ANKRD26: variants seen among roughly 807,000 people sequenced by gnomAD.
The protein encoded by ANKRD26 is ankyrin repeat domain 26.
A neutral mutation model predicts 208.7 loss-of-function variants in ANKRD26; 141 were observed. That is an observed-to-expected ratio of 0.68 (90% CI 0.59 to 0.78). ANKRD26 has a LOEUF of 0.78. ANKRD26 is among the 30% of genes least tolerant of loss of function. The pLI, the probability that ANKRD26 is intolerant of heterozygous loss-of-function variation, is 0.00. For synonymous variants in ANKRD26, 636 were observed against 660.4 expected (o/e 0.96, Z 0.57); for missense variants, 1,889 against 1,938.7 (o/e 0.97, Z 0.48).
downstream of ANKRD26, among the ~76,000 whole-genome samples, chr10:27,002,028 G>T (rs938987182): frequency 3.9e-5 from 6 of 152,196 alleles, no homozygotes; most frequent in African/African-American, 1.4e-4. Flanking sequence ...TATCAAAGAT[G>T]AACAGAGTCA....
rs1221890358 is a variant in ANKRD26 at position 27,022,614 on chromosome 10, C to T, written c.4159G>A (p.Asp1387Asn). The change falls in exon 29 of 34, where the codon GAT (aspartate) becomes AAT (asparagine). Residue 1387 changes from aspartate to asparagine, a missense_variant. Coordinates refer to ENST00000376087, the MANE Select transcript of ANKRD26 (RefSeq NM_014915.3). The part of the protein sequence containing the change: ...YENGEFSFHG[D>N]LKTSQFEMDI... The stretch of plus-strand genomic sequence containing the variant: ...ATTTCAAATTGACTAGTTTTTAAAT[C>T]TCCATGGAAACTAAATTCTCCATTT... The T allele has an allele frequency of 6.4e-7, 1 of 1,562,988 alleles. No individual in the cohort carries two copies. The highest frequency in any genetic ancestry group is 1.7e-5 in the Admixed American group (1 of 58,960).
At chr10:27,040,237 T>A (rs2054187842) in intron 20 of ANKRD26, 59 bp from the exon 21 acceptor site, 2 of 1,255,790 alleles carry the variant, frequency 1.6e-6, no homozygotes, top group East Asian at 4.8e-5. Context: ...TAACACACTG[T>A]GCACTATAAC....
intron 20 of ANKRD26, among the ~76,000 whole-genome samples, 195 bp from the exon 21 acceptor site, chr10:27,040,373 C>CA (rs1169172296): frequency 1.3e-5 from 2 of 151,854 alleles, no homozygotes; most frequent in Admixed American, 6.6e-5. Flanking sequence ...ATAGTGAAGA[C>CA]AAAAAAAGTG....
chr10:26,965,321 A>C, the ANKRD26 span, among the ~76,000 whole-genome samples: 14 of 152,322 alleles, frequency 9.2e-5, no homozygotes, highest in Middle Eastern at 3.4e-3. Context: ...CCTCAGAAAT[A>C]ATGCCATATA....
In ANKRD26 at chr10:27,053,205, G is replaced by T; in HGVS notation, c.1635+115C>A. On this transcript the variant is annotated intron_variant, in intron 16 of 33. Transcript: ENST00000376087. ...ACGTTTTTAATACTAAATATTAAAT[G>T]ATGATCTATTGATTCTAAAAGGCTA... The T allele has an allele frequency of 4.1e-6, 3 of 732,140 alleles. No homozygotes were observed. The South Asian group carries it at 5.7e-5, about 14-fold the overall frequency. 45.4% of individuals were successfully genotyped at this position (732,140 alleles called of 1,614,324 possible).
In ANKRD26 at chr10:27,077,666, G is replaced by C; in HGVS notation, c.841C>G (p.Leu281Val). 6.2e-7 allele frequency: 1 copy of C among 1,612,996 alleles called. No individual in the cohort carries two copies. Among genetic ancestry groups the C allele is most frequent in the Non-Finnish European group, 8.5e-7 (1 of 1,179,870 alleles). The change falls in exon 8 of 34, where the codon CTA (leucine) becomes GTA (valine). Residue 281 changes from leucine (L) to valine (V), a missense_variant. Leu to Val is a conservative substitution (Grantham distance 32, BLOSUM62 1). Coordinates refer to ENST00000376087, the MANE Select transcript of ANKRD26 (RefSeq NM_014915.3). ...KNVPKPSLAK[L>V]MTASQQSRKN... ...CTGGATTGCTGAGAAGCAGTCATTA[G>C]CTTTGCTAAGCTTGGTTTTGGGACA...
chr10:26,967,956 C>A, the ANKRD26 span, among the ~76,000 whole-genome samples: 1 of 152,286 alleles, frequency 6.6e-6, no homozygotes, highest in African/African-American at 2.4e-5. Context: ...AGCCTTGCCC[C>A]CTCCCTGCAA....
At chr10:27,072,924 G>A (rs1218838004) in intron 9 of ANKRD26, among the ~76,000 whole-genome samples, 1 of 152,146 alleles carries the variant, frequency 6.6e-6, no homozygotes, top group Non-Finnish European at 1.5e-5. Flanking sequence ...GCTGGTACCC[G>A]CTGCTGGGAG....
Position 27,035,035 on chromosome 10 carries a change from G to A in ANKRD26, c.3415C>T (p.Leu1139=), listed in dbSNP as rs966328274. Residue 1139 remains leucine, a synonymous_variant, in exon 24 of 34, where the codon CTA becomes TTA. Transcript: ENST00000376087. ...CGAAGCAACATATTCTCACTTTGTA[G>A]TTGAGACAATCTCTCCTCTACAGAC... is the stretch of plus-strand genomic sequence containing the variant. ...QESVEERLSQ[L]QSENMLLRQQ... The A allele has an allele frequency of 1.2e-6, 2 of 1,613,798 alleles. No homozygotes were observed. The highest frequency in any genetic ancestry group is 1.7e-5 in the Admixed American group (1 of 59,998).
intron 27 of ANKRD26, among the ~76,000 whole-genome samples, chr10:27,026,782 T>C (rs553513572): frequency 6.6e-6 from 1 of 152,158 alleles, no homozygotes; most frequent in East Asian, 1.9e-4. Context: ...GAGACTGGAC[T>C]GTTAAGGTTT....
the ANKRD26 span, among the ~76,000 whole-genome samples, chr10:26,958,073 T>TTATATATATATATATATATATATATA: frequency 5.5e-5 from 8 of 144,210 alleles, no homozygotes; most frequent in African/African-American, 1.5e-4. Flanking sequence ...TCACCCAGTT[T>TTATATATATATATATATATATATATA]TATATATATA....
At chr10:27,008,844 AT>A (rs942862578) in intron 32 of ANKRD26, among the ~76,000 whole-genome samples, 2 of 151,370 alleles carry the variant, frequency 1.3e-5, no homozygotes, top group Non-Finnish European at 2.9e-5. Context: ...CCTTGAATTT[AT>A]TTTTTTTCTT....
downstream of ANKRD26, among the ~76,000 whole-genome samples, chr10:26,991,746 C>T (rs150183421): frequency 5.1e-3 from 772 of 152,240 alleles, 10 homozygotes; most frequent in African/African-American, 0.018. Context: ...ATTTTTAAAA[C>T]GTGTCTCAGT....
chr10:26,962,836 T>C, the ANKRD26 span, among the ~76,000 whole-genome samples: 1 of 152,146 alleles, frequency 6.6e-6, no homozygotes. Context: ...GAGGAAGATA[T>C]GGGAGAAGTT....
Position 27,012,977 on chromosome 10 carries a change from C to A in ANKRD26, c.4858G>T (p.Asp1620Tyr), listed in dbSNP as rs769629179. The A allele has an allele frequency of 9.9e-6, 16 of 1,614,060 alleles. No individual in the cohort carries two copies. In the Admixed American group the frequency reaches 2.7e-4, roughly 27 times the overall value. The change falls in exon 32 of 34, where the codon GAT becomes TAT. Residue 1620 changes from aspartate (D) to tyrosine (Y), a missense_variant. By Grantham distance (160) the Asp-to-Tyr change is radical (BLOSUM62 -3). Coordinates refer to ENST00000376087, the MANE Select transcript of ANKRD26 (RefSeq NM_014915.3). ...PCVGNLNNSL[D>Y]LNRKLIPREN... ...CTTGGAATAAGTTTTCTGTTGAGAT[C>A]TAAACTATTATTAAGATTTCCCACA...
At chr10:27,051,126 T>C (rs1196265384) in intron 16 of ANKRD26, 2 of 1,290,004 alleles carry the variant, frequency 1.6e-6, no homozygotes, top group Non-Finnish European at 2.0e-6. Context: ...GCCTATCTCA[T>C]TTTTAAACCT....
At chr10:26,967,079 GAGTA>G in the ANKRD26 span, among the ~76,000 whole-genome samples, 18 of 151,984 alleles carry the variant, frequency 1.2e-4, no homozygotes, top group Non-Finnish European at 1.9e-4. Flanking sequence ...TTACTTCTGG[GAGTA>G]AGTAAGTTTT....
chr10:26,949,005 C>T, the ANKRD26 span, among the ~76,000 whole-genome samples: 1 of 151,948 alleles, frequency 6.6e-6, no homozygotes, highest in Admixed American at 6.6e-5. Context: ...AAAAAAAATG[C>T]ATTATTAAAT....
chr10:27,052,145 C>A, intron 16 of ANKRD26: 1 of 982,518 alleles, frequency 1.0e-6, no homozygotes, highest in Non-Finnish European at 1.2e-6. Context: ...TAACTTTATC[C>A]TTGAGTAATC....
Sources: allele counts gnomAD v4.1 joint callset (sites outside exome capture counted in the v4.1 genomes callset), GRCh38; gene constraint gnomAD v4.1.1; transcripts MANE v1.5; gene names NCBI Gene and HGNC (gene_info 2026-07-23, HGNC 2026-07-21).